Variants in HAUS8 observed in about 807,000 individuals in gnomAD.
HAUS8 encodes the protein HAUS augmin-like complex subunit 8.
A neutral mutation model predicts 42.9 loss-of-function variants in HAUS8; 38 were observed. The observed-to-expected ratio is 0.89, with a 90% CI of 0.68 to 1.16. The LOEUF is 1.16. HAUS8 is among the 50% of genes most tolerant of loss of function. The pLI is 0.00. For synonymous variants in HAUS8, 199 were observed against 205.8 expected (o/e 0.97, Z 0.28); for missense variants, 494 against 511.6 (o/e 0.97, Z 0.33).
At chr19:17,050,285 C>T (rs907662917) in intron 10 of HAUS8, 109 bp from the exon 11 acceptor site, 6 of 692,246 alleles carry the variant, frequency 8.7e-6, no homozygotes, top group Admixed American at 7.9e-5. Flanking sequence ...ACATGCCCTA[C>T]GTGCTCAGTG....
At chr19:17,062,641 G>A in intron 4 of HAUS8, 57 bp downstream of exon 4, 1 of 1,310,782 alleles carries the variant, frequency 7.6e-7, no homozygotes, top group Non-Finnish European at 1.1e-6. Context: ...TAGCACCCAT[G>A]GAGACAAAAT....
At chr19:17,050,756 C>G (rs549054563) in intron 10 of HAUS8, among the ~76,000 whole-genome samples, 6 of 152,136 alleles carry the variant, frequency 3.9e-5, no homozygotes, top group Admixed American at 3.9e-4. Context: ...ATTAGCCGGG[C>G]GTGGTGGAAC....
At position 17,050,050 on chromosome 19, in the gene HAUS8, ACTGTCT is replaced by A. The variant is rs2057277118; in HGVS notation, c.1050_1055del (p.Gln350_Ser352delinsHis). 1 of 1,607,854 alleles carries A rather than the reference ACTGTCT, an allele frequency of 6.2e-7. No individual in the cohort carries two copies. The highest frequency in any genetic ancestry group is 8.5e-7 in the Non-Finnish European group (1 of 1,177,652). On this transcript the variant is annotated inframe_deletion, in exon 11 of 11. Transcript: ENST00000253669. ...GTGCTCCCCCAGATTCTCTGCAGGC[ACTGTCT>A]TGATTGAAATACCACCGGCTGGGGG...
chr19:17,060,659 C>T (rs1182391546), intron 4 of HAUS8, among the ~76,000 whole-genome samples: 5 of 152,204 alleles, frequency 3.3e-5, no homozygotes, highest in Admixed American at 6.5e-5. Flanking sequence ...CTATCCACCT[C>T]GGCCTCCCAA....
chr19:17,064,501 T>C (rs1599984341), intron 3 of HAUS8, among the ~76,000 whole-genome samples: 1 of 152,118 alleles, frequency 6.6e-6, no homozygotes, highest in Admixed American at 6.5e-5. Flanking sequence ...CTCAGCAGTG[T>C]GGAACTAGCA....
At chr19:17,057,721 C>A (rs1367169456) in intron 8 of HAUS8, among the ~76,000 whole-genome samples, 7 of 152,050 alleles carry the variant, frequency 4.6e-5, no homozygotes, top group African/African-American at 1.7e-4. Context: ...TGAGCTGTAT[C>A]CCCCCAAATT....
intron 9 of HAUS8, among the ~76,000 whole-genome samples, chr19:17,054,378 C>G (rs1008027898): frequency 1.3e-5 from 2 of 152,074 alleles, no homozygotes; most frequent in Non-Finnish European, 2.9e-5. Context: ...CCCGGCCGGG[C>G]AGGGGGCTCA....
chr19:17,073,521 G>A (rs1252528687), intron 1 of HAUS8, 186 bp from the exon 2 acceptor site: 1 of 629,356 alleles, frequency 1.6e-6, no homozygotes, highest in Non-Finnish European at 2.9e-6. Context: ...CTGGTCACCT[G>A]GGCAAGAAGG....
chr19:17,051,017 G>A (rs968017903), intron 10 of HAUS8, among the ~76,000 whole-genome samples: 20 of 152,102 alleles, frequency 1.3e-4, no homozygotes, highest in Admixed American at 7.2e-4. Flanking sequence ...CCGAGATCGC[G>A]CCACTGCACT....
chr19:17,073,259 C>T lies in HAUS8; in HGVS notation c.91+15G>A. The T allele has an allele frequency of 1.9e-6, 3 of 1,609,626 alleles. No homozygotes were observed. The highest frequency in any genetic ancestry group is 2.6e-6 in the Non-Finnish European group (3 of 1,175,950). Reference sequence around the variant, plus strand: ...AGAAAACCATGTTCCTTAAAGAGATCCTGACACTGCTTACCTTGAACTCTT... The same window carrying T: ...AGAAAACCATGTTCCTTAAAGAGATTCTGACACTGCTTACCTTGAACTCTT... On this transcript the variant is annotated intron_variant, in intron 2 of 10. Transcript: ENST00000253669.
intron 10 of HAUS8, chr19:17,051,639 G>A (rs923360636): frequency 6.6e-6 from 1 of 150,926 alleles, no homozygotes; most frequent in African/African-American, 2.4e-5. Flanking sequence ...TTCTCTTCCA[G>A]CTGCTTGAGA....
intron 9 of HAUS8, 108 bp from the exon 10 acceptor site, chr19:17,053,074 T>TCTCCACGGTTCCAGCGC: frequency 1.5e-6 from 2 of 1,325,264 alleles, no homozygotes; most frequent in Non-Finnish European, 1.1e-6. Flanking sequence ...GCTATCGCGC[T>TCTCCACGGTTCCAGCGC]GGAACCGTGG....
chr19:17,052,939 G>C lies in HAUS8; in HGVS notation c.815C>G (p.Thr272Ser). Residue 272 changes from threonine (T) to serine (S), a missense_variant, in exon 10 of 11, where the codon ACT (threonine) becomes AGT (serine). Physicochemically the swap from Thr to Ser is moderately conservative, Grantham distance 58 (BLOSUM62 1). Transcript: ENST00000253669. Reference protein sequence around the residue: ...LDALQHELVTTQRLLGELDVG... With the variant: ...LDALQHELVTSQRLLGELDVG... ...ATCAAGTTCTCCCAGGAGGCGCTGA[G>C]TGGTCACCAGTTCATGCTGCAGGGC... 6.2e-7 allele frequency: 1 copy of C among 1,614,216 alleles called. No individual in the cohort carries two copies. The highest frequency in any genetic ancestry group is 1.7e-5 in the Admixed American group (1 of 60,022).
intron 7 of HAUS8, 49 bp from the exon 8 acceptor site, chr19:17,058,756 T>C: frequency 1.2e-6 from 2 of 1,605,522 alleles, no homozygotes; most frequent in Non-Finnish European, 8.5e-7. Context: ...TCCCTCCCCG[T>C]GAATGGAGGC....
chr19:17,057,798 G>C (rs2057335282), intron 8 of HAUS8, among the ~76,000 whole-genome samples: 1 of 152,116 alleles, frequency 6.6e-6, no homozygotes, highest in Non-Finnish European at 1.5e-5. Context: ...GACTTTATCA[G>C]GGTCATCAAG....
In HAUS8 at chr19:17,058,683, C is replaced by G; in HGVS notation, c.511G>C (p.Glu171Gln). 1 of 1,609,974 alleles carries G rather than the reference C, an allele frequency of 6.2e-7. No individual in the cohort carries two copies. Among genetic ancestry groups the G allele is most frequent in the South Asian group, 1.1e-5 (1 of 90,170 alleles). The change falls in exon 8 of 11, where the codon GAA (glutamate) becomes CAA (glutamine). Residue 171 changes from glutamate (E) to glutamine (Q), a missense_variant. Glu to Gln is a conservative substitution (Grantham distance 29). Transcript: ENST00000253669. ...VKMENNLAEF[E>Q]RRAEKNLLIM... ...AATAAATTCTTTTCTGCCCTTCTTT[C>G]AAACTCAGCAAGATTGTTCTCCATC...
At chr19:17,052,159 G>A (rs1174177889) in intron 10 of HAUS8, 1 of 149,718 alleles carries the variant, frequency 6.7e-6, no homozygotes, top group Admixed American at 6.7e-5. Flanking sequence ...ATAGAAACAA[G>A]GTCTCACCAT....
Position 17,059,670 on chromosome 19 carries a change from T to A in HAUS8, c.326-19A>T. 1.3e-6 allele frequency: 2 copies of A among 1,570,290 alleles called. No homozygotes were observed. The highest frequency in any genetic ancestry group is 2.2e-5 in the South Asian group (2 of 89,612). ...CTTTTGTCTAAGATAAAGCACAGCATTTTTAATGGCAAGTAGCGTATATAG... is the reference window on the plus strand; with the variant it reads ...CTTTTGTCTAAGATAAAGCACAGCAATTTTAATGGCAAGTAGCGTATATAG... On this transcript the variant is annotated intron_variant, in intron 5 of 10. Coordinates refer to ENST00000253669, the MANE Select transcript of HAUS8 (RefSeq NM_033417.2).
intron 2 of HAUS8, 82 bp downstream of exon 2, chr19:17,073,192 C>G: frequency 7.9e-7 from 1 of 1,259,574 alleles, no homozygotes; most frequent in Non-Finnish European, 1.2e-6. Flanking sequence ...GCCCCCTTCT[C>G]TGGCCTGTTT....
Sources: allele counts gnomAD v4.1 joint callset (sites outside exome capture counted in the v4.1 genomes callset), GRCh38; gene constraint gnomAD v4.1.1; transcripts MANE v1.5; gene names NCBI Gene and HGNC (gene_info 2026-07-23, HGNC 2026-07-21).